Variants in CARM1 observed in about 807,000 individuals in gnomAD.
CARM1 encodes the protein coactivator associated arginine methyltransferase 1.
CARM1 carries 14 observed loss-of-function variants against 72.7 expected under a neutral mutation model. That is an observed-to-expected ratio of 0.19 (90% CI 0.13 to 0.30). The LOEUF (loss-of-function observed/expected upper bound fraction) is 0.30. Among genes scored for constraint, CARM1 ranks in the 10% least tolerant of loss-of-function variants. The pLI is 1.00. For synonymous variants in CARM1, 333 were observed against 345.5 expected (o/e 0.96, Z 0.40); for missense variants, 432 against 833.7 (o/e 0.52, Z 5.93).
intron 1 of CARM1, among the ~76,000 whole-genome samples, chr19:10,879,926 C>G (rs1473973633): frequency 1.3e-5 from 2 of 152,152 alleles, no homozygotes; most frequent in East Asian, 3.9e-4. Flanking sequence ...CAGGTGAAAT[C>G]TTAATGGAAG....
In CARM1 at chr19:10,920,537, C is replaced by T. The variant is rs1280474296; in HGVS notation, c.1298C>T (p.Thr433Met). 5.0e-6 allele frequency: 8 copies of T among 1,613,834 alleles called. No individual in the cohort carries two copies. The highest frequency in any genetic ancestry group is 2.2e-5 in the East Asian group (1 of 44,878). ...CCACTGTTCGCCAAGGCAGGGGACA[C>T]GCTCTCAGGGACATGTCTGCTTATT... The part of the protein sequence containing the change: ...QSPLFAKAGD[T>M]LSGTCLLIAN... The change falls in exon 11 of 16, where the codon ACG becomes ATG. Residue 433 changes from threonine to methionine, a missense_variant. By Grantham distance (81) the Thr-to-Met change is moderately conservative. Transcript: ENST00000327064. The surrounding 1 kb of genome is among the most constrained non-coding windows in gnomAD (Gnocchi z 5.3).
chr19:10,894,142 G>T (rs757366393), intron 1 of CARM1, among the ~76,000 whole-genome samples: 1 of 152,192 alleles, frequency 6.6e-6, no homozygotes, highest in Non-Finnish European at 1.5e-5. Flanking sequence ...GGCCTGGTCC[G>T]CATGCATCAG....
At chr19:10,880,814 G>A (rs888201149) in intron 1 of CARM1, among the ~76,000 whole-genome samples, 1 of 152,184 alleles carries the variant, frequency 6.6e-6, no homozygotes. Context: ...CCCTGAAAGG[G>A]GGTGACAGTG....
At chr19:10,914,427 G>A (rs1272179238) in intron 6 of CARM1, among the ~76,000 whole-genome samples, 1 of 152,226 alleles carries the variant, frequency 6.6e-6, no homozygotes, top group Non-Finnish European at 1.5e-5. Flanking sequence ...GAGGTGGGGT[G>A]GGCGAGCATG....
In CARM1 at chr19:10,920,819, C is replaced by G; in HGVS notation, c.1425-15C>G. 1 of 1,613,986 alleles carries G rather than the reference C, an allele frequency of 6.2e-7. No individual in the cohort carries two copies. Among genetic ancestry groups the G allele is most frequent in the South Asian group, 1.1e-5 (1 of 91,084 alleles). On this transcript the variant is annotated splice_polypyrimidine_tract_variant and intron_variant, in intron 12 of 15. Coordinates refer to ENST00000327064, the MANE Select transcript of CARM1 (RefSeq NM_199141.2). This position sits in a 1 kb window ranked among gnomAD's most constrained non-coding sequence, Gnocchi z 5.3. ...AACCCCCTTGCCCCTGCCCATGGCTCTGTCTCTGCCATAGATACACGGGCA... is the reference window on the plus strand; with the variant it reads ...AACCCCCTTGCCCCTGCCCATGGCTGTGTCTCTGCCATAGATACACGGGCA...
At chr19:10,907,592 G>T (rs2145225462) in intron 2 of CARM1, among the ~76,000 whole-genome samples, 1 of 152,274 alleles carries the variant, frequency 6.6e-6, no homozygotes, top group Middle Eastern at 3.4e-3. Context: ...GGCCTCTACT[G>T]TGCTTTTCTG....
At position 10,919,887 on chromosome 19, in the gene CARM1, C is replaced by T; in HGVS notation, c.1117C>T (p.Pro373Ser). Residue 373 changes from proline to serine, a missense_variant, in exon 10 of 16, where the codon CCA (proline) becomes TCA (serine). Coordinates refer to ENST00000327064, the MANE Select transcript of CARM1 (RefSeq NM_199141.2). ...KEGDLHRIEI[P>S]FKFHMLHSGL... is the part of the protein sequence containing the mutation. Reference sequence around the variant, plus strand: ...CCCTTTGCCTTCCAGGATAGAAATCCCATTCAAATTCCACATGCTGCATTC... The same window carrying T: ...CCCTTTGCCTTCCAGGATAGAAATCTCATTCAAATTCCACATGCTGCATTC... The T allele has an allele frequency of 6.2e-7, 1 of 1,613,880 alleles. No individual in the cohort carries two copies. The highest frequency in any genetic ancestry group is 8.5e-7 in the Non-Finnish European group (1 of 1,179,706).
Position 10,916,793 on chromosome 19 carries a change from A to G in CARM1, c.1020+16A>G. 2 of 1,532,378 alleles carry G rather than the reference A, an allele frequency of 1.3e-6. No individual in the cohort carries two copies. The highest frequency in any genetic ancestry group is 1.8e-6 in the Non-Finnish European group (2 of 1,130,436). The allele number at this position is 1,532,378 out of a possible 1,614,324, so 94.9% of individuals were successfully genotyped here. ...GCCTGTGGTGGTGAGTAGGGCCTCC[A>G]GGGTACTGCTGCAGTGATCACTTGC... On this transcript the variant is annotated intron_variant, in intron 8 of 15. Transcript: ENST00000327064. This position sits in a 1 kb window ranked among gnomAD's most constrained non-coding sequence, Gnocchi z 4.4.
rs765573504 is a variant in CARM1, at chr19:10,920,443, G to A, written c.1204G>A (p.Val402Met). 5.6e-6 allele frequency: 9 copies of A among 1,611,014 alleles called. No individual in the cohort carries two copies. Among genetic ancestry groups the A allele is most frequent in the East Asian group, 2.2e-5 (1 of 44,762 alleles). Residue 402 changes from valine to methionine, a missense_variant, in exon 11 of 16, where the codon GTG becomes ATG. Transcript: ENST00000327064. The surrounding 1 kb of genome is among the most constrained non-coding windows in gnomAD (Gnocchi z 5.3). Reference protein sequence around the residue: ...DVAFIGSIMTVWLSTAPTEPL... With the variant: ...DVAFIGSIMTMWLSTAPTEPL... ...CCTGTCCCTGCTCCACAGAATGACC[G>A]TGTGGCTGTCCACAGCCCCGACAGA...
intron 1 of CARM1, among the ~76,000 whole-genome samples, chr19:10,874,211 A>G (rs958080572): frequency 6.6e-6 from 1 of 151,850 alleles, no homozygotes; most frequent in Non-Finnish European, 1.5e-5. Flanking sequence ...CCTGCCTCCC[A>G]GAATGCTGGG....
intron 1 of CARM1, among the ~76,000 whole-genome samples, chr19:10,872,859 C>CCT (rs1275405608): frequency 7.9e-5 from 12 of 152,082 alleles, no homozygotes; most frequent in Admixed American, 2.0e-4. Flanking sequence ...TGCACTGATG[C>CCT]CCTGGGGAAC....
rs2074163196 is a variant in CARM1 at position 10,912,823 on chromosome 19, G to A, written c.669+529G>A. Among the ~76,000 whole-genome samples, 1 of 152,230 alleles carries A rather than the reference G, an allele frequency of 6.6e-6. No homozygotes were observed. The highest frequency in any genetic ancestry group is 2.4e-5 in the African/African-American group (1 of 41,464). ...CACCCCTGTGCCCAGCCGTGCCGCTGTTGCTTTAGCTGCATTGTGTCCGCA... is the reference window on the plus strand; with the variant it reads ...CACCCCTGTGCCCAGCCGTGCCGCTATTGCTTTAGCTGCATTGTGTCCGCA... On this transcript the variant is annotated intron_variant, in intron 5 of 15. Transcript: ENST00000327064. The surrounding 1 kb of genome is among the most constrained non-coding windows in gnomAD (Gnocchi z 4.5).
intron 1 of CARM1, among the ~76,000 whole-genome samples, chr19:10,884,013 GT>G (rs772915996): frequency 0.016 from 1,573 of 100,526 alleles, 16 homozygotes; most frequent in Middle Eastern, 0.038. Flanking sequence ...GCGAGACTCT[GT>G]TTTTTTTTTT....
intron 8 of CARM1, among the ~76,000 whole-genome samples, chr19:10,917,629 G>A (rs1366992861): frequency 1.3e-5 from 2 of 151,576 alleles, no homozygotes; most frequent in South Asian, 4.2e-4. Context: ...TTCCAATTAC[G>A]TGTACAGTGA....
At chr19:10,893,346 T>C (rs2145204832) in intron 1 of CARM1, among the ~76,000 whole-genome samples, 1 of 150,924 alleles carries the variant, frequency 6.6e-6, no homozygotes, top group South Asian at 2.1e-4. Flanking sequence ...GTGCCTATTT[T>C]ATTTCATTTT....
Position 10,904,939 on chromosome 19 carries a change from C to G in CARM1, c.221-12C>G. Reference sequence around the variant, plus strand: ...GGCTGCACCGCTCACGCCAGCCTGTCTTCTCTCGTAGATGAAGATGTGTGT... The same window carrying G: ...GGCTGCACCGCTCACGCCAGCCTGTGTTCTCTCGTAGATGAAGATGTGTGT... On this transcript the variant is annotated splice_polypyrimidine_tract_variant and intron_variant, in intron 1 of 15. Coordinates refer to ENST00000327064, the MANE Select transcript of CARM1 (RefSeq NM_199141.2). 1 of 1,613,874 alleles carries G rather than the reference C, an allele frequency of 6.2e-7. No homozygotes were observed. Among genetic ancestry groups the G allele is most frequent in the Non-Finnish European group, 8.5e-7 (1 of 1,179,764 alleles).
chr19:10,872,929 G>A (rs1398581297), intron 1 of CARM1, among the ~76,000 whole-genome samples: 6 of 152,068 alleles, frequency 3.9e-5, no homozygotes, highest in Admixed American at 3.3e-4. Flanking sequence ...CTTTGGAAAC[G>A]GCCCGATTAA....
At chr19:10,891,449 C>T (rs1432831377) in intron 1 of CARM1, among the ~76,000 whole-genome samples, 3 of 152,130 alleles carry the variant, frequency 2.0e-5, no homozygotes, top group Non-Finnish European at 4.4e-5. Flanking sequence ...GACTGCCCCA[C>T]GTCCATCACA....
At chr19:10,921,251 GGGCTCTCGGCCGA>G (rs1440871768) in intron 14 of CARM1, 111 bp from the exon 15 acceptor site, 10 of 1,429,760 alleles carry the variant, frequency 7.0e-6, no homozygotes, top group Non-Finnish European at 9.8e-6. Flanking sequence ...CTCTTCCTGG[GGGCTCTCGGCCGA>G]GGCTCTCCGT....
Sources: gnomAD v4.1 joint callset for allele counts (sites outside exome capture counted in the v4.1 genomes callset) on GRCh38, gnomAD v4.1.1 for gene constraint, Gnocchi (gnomAD v3.1) non-coding constraint, MANE v1.5 for transcripts, NCBI Gene and HGNC (gene_info 2026-07-23, HGNC 2026-07-21) for gene names.